DNAH7: variants seen among roughly 807,000 people sequenced by gnomAD.
DNAH7 encodes axonemal beta dynein heavy chain 7.
In DNAH7, 397 loss-of-function variants were observed where a neutral mutation model predicts 444.6. That is an observed-to-expected ratio of 0.89 (90% CI 0.82 to 0.97). The LOEUF is 0.97. DNAH7 is among the 50% of genes least tolerant of loss of function. The probability of loss-of-function intolerance (pLI) is 0.00; values close to 1 mark genes in which losing one functional copy is unlikely to be tolerated. For synonymous variants in DNAH7, 1,636 were observed against 1,624.4 expected (o/e 1.01, Z -0.17); for missense variants, 4,902 against 4,800.8 (o/e 1.02, Z -0.62).
chr2:195,793,222 C>G (rs1695974220), intron 57 of DNAH7, among the ~76,000 whole-genome samples: 1 of 152,182 alleles, frequency 6.6e-6, no homozygotes. Context: ...CAGGTGTAAG[C>G]CATCATGCCT....
At chr2:195,752,880 T>G (rs1330580088) in intron 63 of DNAH7, among the ~76,000 whole-genome samples, 1 of 152,088 alleles carries the variant, frequency 6.6e-6, no homozygotes, top group East Asian at 1.9e-4. Flanking sequence ...GGATGAAAGG[T>G]AGATAACTAA....
At chr2:195,831,125 A>T (rs1698047333) in intron 48 of DNAH7, among the ~76,000 whole-genome samples, 1 of 152,170 alleles carries the variant, frequency 6.6e-6, no homozygotes, top group Admixed American at 6.5e-5. Flanking sequence ...TTATAGATTC[A>T]ATGGAAAGTC....
intron 27 of DNAH7, among the ~76,000 whole-genome samples, chr2:195,906,111 C>T (rs1686998420): frequency 6.6e-6 from 1 of 151,992 alleles, no homozygotes; most frequent in East Asian, 1.9e-4. Flanking sequence ...CAAGCATACA[C>T]AATAGTGTGT....
At chr2:195,789,500 G>A (rs114162928) in intron 57 of DNAH7, among the ~76,000 whole-genome samples, 270 of 152,240 alleles carry the variant, frequency 1.8e-3, no homozygotes, top group African/African-American at 6.3e-3. Context: ...ACTAATTCTG[G>A]GTTGGGGCTG....
chr2:195,867,548 A>G (rs1226687759), intron 40 of DNAH7, among the ~76,000 whole-genome samples: 1 of 152,188 alleles, frequency 6.6e-6, no homozygotes, highest in Non-Finnish European at 1.5e-5. Context: ...GAACTTTATC[A>G]TCACCCCAGA....
At chr2:195,791,257 G>A (rs1360327874) in intron 57 of DNAH7, among the ~76,000 whole-genome samples, 3 of 151,808 alleles carry the variant, frequency 2.0e-5, no homozygotes, top group Admixed American at 2.0e-4. Context: ...CACGAGGTCA[G>A]GAGATCGAGA....
intron 64 of DNAH7, among the ~76,000 whole-genome samples, chr2:195,740,173 T>C (rs1335983526): frequency 6.6e-6 from 1 of 151,976 alleles, no homozygotes; most frequent in African/African-American, 2.4e-5. Flanking sequence ...CAGTAGAGAC[T>C]GGGGTTTCTC....
intron 14 of DNAH7, among the ~76,000 whole-genome samples, chr2:195,985,328 CTG>C (rs1297262047): frequency 5.9e-5 from 9 of 152,100 alleles, no homozygotes. Flanking sequence ...GGGTTAAAGT[CTG>C]GGGCTGGGAG....
chr2:196,005,902 C>T (rs1694344423), intron 10 of DNAH7, among the ~76,000 whole-genome samples: 1 of 149,920 alleles, frequency 6.7e-6, no homozygotes, highest in East Asian at 1.9e-4. Context: ...ATAATACCAA[C>T]TACAAAGACA....
chr2:195,954,179 C>T (rs530386505), intron 19 of DNAH7, among the ~76,000 whole-genome samples: 8 of 148,012 alleles, frequency 5.4e-5, no homozygotes, highest in Admixed American at 4.0e-4. Context: ...CCTCCCCACT[C>T]TCCCCACCCC....
At chr2:195,808,932 A>G (rs1696833029) in intron 52 of DNAH7, 56 bp from the exon 53 acceptor site, 2 of 1,469,532 alleles carry the variant, frequency 1.4e-6, no homozygotes, top group East Asian at 4.6e-5. Context: ...TAAACTAGTA[A>G]GCTTACAACC....
intron 5 of DNAH7, among the ~76,000 whole-genome samples, chr2:196,033,757 T>C (rs571209724): frequency 6.6e-6 from 1 of 152,208 alleles, no homozygotes; most frequent in African/African-American, 2.4e-5. Flanking sequence ...AACATGGGCA[T>C]GCAGATGTCT....
intron 51 of DNAH7, among the ~76,000 whole-genome samples, chr2:195,810,542 G>A (rs1332937935): frequency 6.6e-6 from 1 of 151,534 alleles, no homozygotes; most frequent in East Asian, 1.9e-4. Context: ...CTCCCAAGTA[G>A]CTGGGACTAC....
At position 195,952,337 on chromosome 2, in the gene DNAH7, G is replaced by A. The variant is rs181144572; in HGVS notation, c.3078+4924C>T. ...ATGGGCTTCCCTTTGTGGGTAACCC[G>A]ACCTTTCTGGCTGCCCTTAACATTT... On this transcript the variant is annotated intron_variant, in intron 19 of 64. Transcript: ENST00000312428. 1.3e-4 allele frequency among the ~76,000 whole-genome samples: 20 copies of A among 152,054 alleles called. No individual in the cohort carries two copies. In the East Asian group the frequency reaches 3.5e-3, roughly 26 times the overall value.
chr2:195,894,956 T>C lies in DNAH7; in HGVS notation c.4896+20A>G, dbSNP rs1702218932. ...ACAAAGTCAATTATAAATAAATTAATGCATTAATAATATACTTGCCTTTTC... is the reference window on the plus strand; with the variant it reads ...ACAAAGTCAATTATAAATAAATTAACGCATTAATAATATACTTGCCTTTTC... On this transcript the variant is annotated intron_variant, in intron 30 of 64. Transcript: ENST00000312428. 1 of 1,563,344 alleles carries C rather than the reference T, an allele frequency of 6.4e-7. No individual in the cohort carries two copies. Among genetic ancestry groups the C allele is most frequent in the South Asian group, 1.2e-5 (1 of 81,200 alleles).
chr2:196,045,717 A>G (rs1039738665), intron 5 of DNAH7, among the ~76,000 whole-genome samples: 1 of 152,188 alleles, frequency 6.6e-6, no homozygotes, highest in African/African-American at 2.4e-5. Context: ...TATAAATTAA[A>G]TATGTAGTTT....
chr2:195,944,042 A>T (rs115087798), intron 19 of DNAH7, among the ~76,000 whole-genome samples: 2,724 of 152,214 alleles, frequency 0.018, 40 homozygotes, highest in Admixed American at 0.03. Flanking sequence ...TAAGTCCTTG[A>T]TTATGCAGCA....
rs988512559 is a variant in DNAH7 at position 195,787,077 on chromosome 2, T to C, written c.10811A>G (p.Tyr3604Cys). 1 of 1,612,782 alleles carries C rather than the reference T, an allele frequency of 6.2e-7. No homozygotes were observed. Among genetic ancestry groups the C allele is most frequent in the Non-Finnish European group, 8.5e-7 (1 of 1,179,652 alleles). ...KFGPLGWNIP[Y>C]EFNETDLRIS... ...TCTCAGATCTGTCTCATTGAACTCA[T>C]AAGGAATATTCCACCCTAGGGGTCC... is the stretch of plus-strand genomic sequence containing the variant. The change falls in exon 58 of 65, where the codon TAT becomes TGT. Residue 3604 changes from tyrosine to cysteine, a missense_variant. Transcript: ENST00000312428.
At position 195,964,825 on chromosome 2, in the gene DNAH7, G is replaced by A. The variant is rs957411432; in HGVS notation, c.2206-3880C>T. On this transcript the variant is annotated intron_variant, in intron 17 of 64. Transcript: ENST00000312428. ...CAGGAGGCAGAGGTTGCAGTGAGCCGAGGTCACGCCACTTGCACTCCAGCC... is the reference window on the plus strand; with the variant it reads ...CAGGAGGCAGAGGTTGCAGTGAGCCAAGGTCACGCCACTTGCACTCCAGCC... Among the ~76,000 whole-genome samples the A allele has an allele frequency of 5.3e-5, 8 of 150,736 alleles. No individual in the cohort carries two copies. The South Asian group carries it at 6.3e-4, about 12-fold the overall frequency.
Sources: allele counts gnomAD v4.1 joint callset (sites outside exome capture counted in the v4.1 genomes callset), GRCh38; gene constraint gnomAD v4.1.1; transcripts MANE v1.5; gene names NCBI Gene and HGNC (gene_info 2026-07-23, HGNC 2026-07-21).